The following GRIA4 variants were observed in gnomAD, a reference collection of about 807,000 sequenced individuals.
GRIA4 encodes the protein glutamate receptor 4.
GRIA4 carries 34 observed loss-of-function variants against 104.0 expected under a neutral mutation model. The observed-to-expected ratio is 0.33, with a 90% CI of 0.25 to 0.44. The LOEUF is 0.44. GRIA4 is among the 20% of genes least tolerant of loss of function. The probability of loss-of-function intolerance (pLI) is 1.00; values close to 1 mark genes in which losing one functional copy is unlikely to be tolerated. For synonymous variants in GRIA4, 386 were observed against 381.9 expected, an observed-to-expected ratio of 1.01 and a Z score of -0.13; for missense variants, 750 against 1,096.5, an observed-to-expected ratio of 0.68 and a Z score of 4.46.
chr11:105,814,678 A>C (rs1943306067), intron 4 of GRIA4, among the ~76,000 whole-genome samples: 1 of 151,918 alleles, frequency 6.6e-6, no homozygotes, highest in Admixed American at 6.5e-5. Flanking sequence ...ACAGAAAGGG[A>C]AAAAAAGAAT....
intron 4 of GRIA4, among the ~76,000 whole-genome samples, chr11:105,819,263 T>A (rs1259323308): frequency 6.6e-6 from 1 of 152,184 alleles, no homozygotes; most frequent in Non-Finnish European, 1.5e-5. Flanking sequence ...TATCTGATTT[T>A]GGATCCTGGC....
At chr11:105,922,554 T>A (rs1040445803) in intron 11 of GRIA4, among the ~76,000 whole-genome samples, 1 of 152,262 alleles carries the variant, frequency 6.6e-6, no homozygotes, top group Admixed American at 6.6e-5. Flanking sequence ...TCCCTCAAAC[T>A]TAATAAATGA....
intron 3 of GRIA4, among the ~76,000 whole-genome samples, chr11:105,621,915 GC>G (rs1215661394): frequency 6.6e-6 from 1 of 151,654 alleles, no homozygotes; most frequent in East Asian, 1.9e-4. Flanking sequence ...ATTTCTCATT[GC>G]TGCTTTAATT....
chr11:105,938,909 T>A (rs1242749586), intron 14 of GRIA4, among the ~76,000 whole-genome samples: 1 of 152,174 alleles, frequency 6.6e-6, no homozygotes, highest in Admixed American at 6.6e-5. Flanking sequence ...TCTTTCCAGA[T>A]GTTCACTACA....
chr11:105,648,188 C>T (rs1260557051), intron 3 of GRIA4, among the ~76,000 whole-genome samples: 3 of 151,250 alleles, frequency 2.0e-5, no homozygotes, highest in South Asian at 2.1e-4. Flanking sequence ...GAGTGGAAGT[C>T]GATATAGTGA....
At chr11:105,686,237 C>T (rs966625251) in intron 3 of GRIA4, among the ~76,000 whole-genome samples, 21 of 152,152 alleles carry the variant, frequency 1.4e-4, no homozygotes, top group African/African-American at 5.1e-4. Flanking sequence ...TCTCCCTTCT[C>T]TAGTAGTCCT....
chr11:105,640,495 T>C (rs1951328806), intron 3 of GRIA4, among the ~76,000 whole-genome samples: 4 of 151,924 alleles, frequency 2.6e-5, no homozygotes, highest in Admixed American at 2.0e-4. Context: ...ATATATATTG[T>C]TCTATTCCAG....
rs369176804 is a variant in GRIA4, at chr11:105,937,507, GA to G, written c.2294+3540del. Among the ~76,000 whole-genome samples, 11 of 152,214 alleles carry G rather than the reference GA, an allele frequency of 7.2e-5. No individual in the cohort carries two copies. In the East Asian group the frequency reaches 2.1e-3, roughly 29 times the overall value. ...TTACTATTAAGTAGCTGTTAGATGA[GA>G]ATAACCCTTTTAAAGATATTCATAG... On this transcript the variant is annotated intron_variant, in intron 14 of 16. Coordinates refer to ENST00000282499, the MANE Select transcript of GRIA4 (RefSeq NM_000829.4).
intron 6 of GRIA4, among the ~76,000 whole-genome samples, chr11:105,889,944 A>T (rs1017596433): frequency 6.6e-5 from 10 of 152,160 alleles, no homozygotes; most frequent in Non-Finnish European, 1.0e-4. Flanking sequence ...ATTAATGGAG[A>T]ACTGCTATAC....
chr11:105,964,071 A>T (rs1452435314), intron 14 of GRIA4, among the ~76,000 whole-genome samples: 1 of 152,170 alleles, frequency 6.6e-6, no homozygotes, highest in African/African-American at 2.4e-5. Flanking sequence ...ACAGACACAA[A>T]ATAAATTAAA....
intron 14 of GRIA4, among the ~76,000 whole-genome samples, chr11:105,945,790 T>TACTTGCATAGGCCTTAGAA (rs1336377032): frequency 4.6e-5 from 7 of 152,230 alleles, no homozygotes; most frequent in African/African-American, 1.7e-4. Context: ...AAGGCTTAGA[T>TACTTGCATAGGCCTTAGAA]ACTTGCATAG....
chr11:105,673,331 C>G (rs377245975), intron 3 of GRIA4, among the ~76,000 whole-genome samples: 4 of 152,086 alleles, frequency 2.6e-5, no homozygotes, highest in African/African-American at 9.7e-5. Flanking sequence ...AAGTGCCTGA[C>G]TTGGCTAGCT....
chr11:105,714,325 C>A (rs572065741), intron 3 of GRIA4, among the ~76,000 whole-genome samples: 21 of 151,698 alleles, frequency 1.4e-4, no homozygotes, highest in African/African-American at 3.9e-4. Flanking sequence ...AAAAATTCTG[C>A]TAGAGAGTAT....
intron 5 of GRIA4, among the ~76,000 whole-genome samples, chr11:105,877,841 A>G (rs1422105177): frequency 6.6e-6 from 1 of 152,134 alleles, no homozygotes; most frequent in Non-Finnish European, 1.5e-5. Flanking sequence ...GCTTCCTTGC[A>G]TTGGGTTAGA....
intron 3 of GRIA4, among the ~76,000 whole-genome samples, chr11:105,705,224 T>A (rs1251574127): frequency 6.6e-6 from 1 of 152,016 alleles, no homozygotes; most frequent in Non-Finnish European, 1.5e-5. Flanking sequence ...GGAAAAAAAA[T>A]AAAATCAGTT....
intron 4 of GRIA4, among the ~76,000 whole-genome samples, chr11:105,841,094 G>T (rs1944375001): frequency 6.6e-6 from 1 of 152,066 alleles, no homozygotes; most frequent in African/African-American, 2.4e-5. Flanking sequence ...GCAAAATTCA[G>T]ATGATTAGCA....
At chr11:105,726,879 G>T (rs903129662) in intron 3 of GRIA4, among the ~76,000 whole-genome samples, 5 of 151,752 alleles carry the variant, frequency 3.3e-5, no homozygotes, top group African/African-American at 1.2e-4. Flanking sequence ...TCCATCCAAA[G>T]GTCACCAACA....
chr11:105,976,272 C>A (rs1197450013), intron 16 of GRIA4, among the ~76,000 whole-genome samples: 2 of 151,694 alleles, frequency 1.3e-5, no homozygotes, highest in Non-Finnish European at 2.9e-5. Context: ...GGAAGCAAAG[C>A]AAATAAAAAA....
intron 5 of GRIA4, among the ~76,000 whole-genome samples, chr11:105,867,702 A>C (rs1945475012): frequency 6.6e-6 from 1 of 152,198 alleles, no homozygotes; most frequent in Admixed American, 6.5e-5. Flanking sequence ...ACAAAACAAA[A>C]CCCTCAAAAA....
Sources: allele counts gnomAD v4.1 joint callset (sites outside exome capture counted in the v4.1 genomes callset), GRCh38; gene constraint gnomAD v4.1.1; transcripts MANE v1.5; gene names NCBI Gene and HGNC (gene_info 2026-07-23, HGNC 2026-07-21).